Variants in KDM4C observed in about 807,000 individuals in gnomAD.
The protein encoded by KDM4C is lysine-specific demethylase 4C.
In KDM4C, 81 loss-of-function variants were observed where a neutral mutation model predicts 129.3. The observed-to-expected ratio is 0.63, with a 90% confidence interval of 0.52 to 0.75. The LOEUF (loss-of-function observed/expected upper bound fraction) is 0.75. KDM4C is among the 30% of genes least tolerant of loss of function. The pLI is 0.00. For missense variants in KDM4C, 1,457 were observed against 1,304.0 expected (o/e 1.12, Z -1.81); for synonymous variants, 573 against 456.1 (o/e 1.26, Z -3.26).
intron 1 of KDM4C, among the ~76,000 whole-genome samples, chr9:6,760,989 C>T (rs1021875204): frequency 6.7e-6 from 1 of 149,486 alleles, no homozygotes; most frequent in African/African-American, 2.5e-5. Context: ...CTGTGTTTTC[C>T]TTTCCTGGAT....
At chr9:6,722,413 C>G (rs1407174681) in intron 1 of KDM4C, among the ~76,000 whole-genome samples, 1 of 152,058 alleles carries the variant, frequency 6.6e-6, no homozygotes, top group African/African-American at 2.4e-5. Context: ...CTTGGTGGCT[C>G]AAGCCTGTAA....
At chr9:6,928,062 TC>T (rs1430117084) in intron 8 of KDM4C, among the ~76,000 whole-genome samples, 1 of 152,180 alleles carries the variant, frequency 6.6e-6, no homozygotes, top group Non-Finnish European at 1.5e-5. Flanking sequence ...CACCACTTAT[TC>T]CTTTTTTAGC....
At chr9:7,172,098 A>G (rs541937772) in intron 21 of KDM4C, among the ~76,000 whole-genome samples, 2 of 152,328 alleles carry the variant, frequency 1.3e-5, no homozygotes, top group East Asian at 3.9e-4. Context: ...CCAGTTGGCA[A>G]AACAAATCTA....
chr9:6,776,598 C>CTT lies in KDM4C; in HGVS notation c.-17-16352_-17-16351dup, dbSNP rs34450311. Among the ~76,000 whole-genome samples the CTT allele has an allele frequency of 1.6e-3, 172 of 106,160 alleles. 1 individual carries two copies. The highest frequency in any genetic ancestry group is 1.9e-3 in the African/African-American group (54 of 28,238). The allele number at this position is 106,160 out of a possible 152,430, so 69.6% of individuals were successfully genotyped here. A position where few individuals can be genotyped will look rare whatever the true frequency, so the allele number is the denominator to read the frequency against. ...ATCTTCAAGGCCTGTCTCAAACCCA[C>CTT]TTTTTTTTTTTTTTTTTTTTTTTAA... On this transcript the variant is annotated intron_variant, in intron 1 of 21. Coordinates refer to ENST00000381309, the MANE Select transcript of KDM4C (RefSeq NM_015061.6).
chr9:6,975,821 C>T (rs892198600), intron 8 of KDM4C, among the ~76,000 whole-genome samples: 7 of 152,094 alleles, frequency 4.6e-5, no homozygotes, highest in Admixed American at 2.0e-4. Flanking sequence ...GTGGATCACC[C>T]GAGGTCAGGA....
At chr9:6,743,616 T>A (rs1231948379) in intron 1 of KDM4C, among the ~76,000 whole-genome samples, 1 of 152,050 alleles carries the variant, frequency 6.6e-6, no homozygotes, top group African/African-American at 2.4e-5. Context: ...CAAGTGATTC[T>A]TCTGCCTCAG....
intron 2 of KDM4C, among the ~76,000 whole-genome samples, chr9:6,794,204 A>G (rs1450299153): frequency 6.6e-6 from 1 of 152,244 alleles, no homozygotes; most frequent in Non-Finnish European, 1.5e-5. Flanking sequence ...GGGGAGCAGA[A>G]CAGACGATGT....
In KDM4C at chr9:6,948,653, C is replaced by T. The variant is rs567188232; in HGVS notation, c.922-32272C>T. Among the ~76,000 whole-genome samples, 5 of 151,638 alleles carry T rather than the reference C, an allele frequency of 3.3e-5. No homozygotes were observed. In the South Asian group the frequency reaches 1.1e-3, roughly 32 times the overall value. ...GCGGCCTTCCGCAGTGTTTGTGTCCCTGGGTACTTGAGATTAGGGAGTGGT... is the reference window on the plus strand; with the variant it reads ...GCGGCCTTCCGCAGTGTTTGTGTCCTTGGGTACTTGAGATTAGGGAGTGGT... On this transcript the variant is annotated intron_variant, in intron 8 of 21. Coordinates refer to ENST00000381309, the MANE Select transcript of KDM4C (RefSeq NM_015061.6).
intron 11 of KDM4C, among the ~76,000 whole-genome samples, chr9:6,987,376 A>G (rs1817914189): frequency 6.6e-6 from 1 of 152,240 alleles, no homozygotes; most frequent in African/African-American, 2.4e-5. Context: ...GTCCTTGTAC[A>G]GTATTAATAT....
chr9:6,749,986 CAAAAAA>C (rs57999664), intron 1 of KDM4C, among the ~76,000 whole-genome samples: 1,403 of 55,450 alleles, frequency 0.025, 18 homozygotes, highest in Non-Finnish European at 0.038. Context: ...AACTCCTTCT[CAAAAAA>C]AAAAAAAAAA....
At chr9:7,102,496 T>A (rs565770977) in intron 17 of KDM4C, among the ~76,000 whole-genome samples, 47 of 152,174 alleles carry the variant, frequency 3.1e-4, no homozygotes, top group Non-Finnish European at 4.0e-4. Context: ...TGGGAATCCA[T>A]TATGATGCTG....
intron 1 of KDM4C, among the ~76,000 whole-genome samples, chr9:6,759,452 C>T (rs1351745904): frequency 6.6e-6 from 1 of 152,146 alleles, no homozygotes; most frequent in Non-Finnish European, 1.5e-5. Context: ...TCTTACCTTG[C>T]TGGCCTCCGC....
chr9:6,745,598 A>AAAAAT (rs1563923698), intron 1 of KDM4C, among the ~76,000 whole-genome samples: 1 of 145,390 alleles, frequency 6.9e-6, no homozygotes, highest in Non-Finnish European at 1.5e-5. Context: ...AAAAAAAAAA[A>AAAAAT]TGCCATACTA....
chr9:7,118,495 C>T (rs10758833), intron 18 of KDM4C, among the ~76,000 whole-genome samples: 5,228 of 151,986 alleles, frequency 0.034, 263 homozygotes, highest in African/African-American at 0.12. Context: ...CTTTGGTAAA[C>T]GAAGAATAGT....
At chr9:6,735,328 C>G (rs1035404539) in intron 1 of KDM4C, among the ~76,000 whole-genome samples, 1 of 152,240 alleles carries the variant, frequency 6.6e-6, no homozygotes, top group African/African-American at 2.4e-5. Context: ...CAGTATTAAA[C>G]TGCCTGAATC....
intron 1 of KDM4C, among the ~76,000 whole-genome samples, chr9:6,748,465 C>A (rs1175240974): frequency 6.6e-6 from 1 of 151,070 alleles, no homozygotes; most frequent in East Asian, 1.9e-4. Flanking sequence ...TGAGATTACG[C>A]CATTGCACTC....
At chr9:7,016,745 G>A (rs1823769740) in intron 15 of KDM4C, among the ~76,000 whole-genome samples, 1 of 152,072 alleles carries the variant, frequency 6.6e-6, no homozygotes, top group African/African-American at 2.4e-5. Flanking sequence ...ATTTCTGGTG[G>A]CAGTCCTCTA....
At chr9:6,920,732 T>C (rs1821357402) in intron 8 of KDM4C, among the ~76,000 whole-genome samples, 1 of 152,112 alleles carries the variant, frequency 6.6e-6, no homozygotes, top group South Asian at 2.1e-4. Context: ...TCTGAAGGTG[T>C]GCTTACATTC....
At chr9:6,986,240 T>A (rs1429117284) in intron 10 of KDM4C, 104 bp from the exon 11 acceptor site, 10 of 736,378 alleles carry the variant, frequency 1.4e-5, no homozygotes, top group Non-Finnish European at 2.2e-5. Context: ...CGCATGCGTG[T>A]GTATGTGTGT....
Sources: allele counts gnomAD v4.1 joint callset (sites outside exome capture counted in the v4.1 genomes callset), GRCh38; gene constraint gnomAD v4.1.1; transcripts MANE v1.5; gene names NCBI Gene and HGNC (gene_info 2026-07-23, HGNC 2026-07-21).